Variants in FAM184A observed in about 807,000 individuals in gnomAD.
FAM184A encodes the protein family with sequence similarity 184 member A.
In FAM184A, 99 loss-of-function variants were observed where a neutral mutation model predicts 143.8. The observed-to-expected ratio is 0.69, with a 90% CI of 0.58 to 0.81. FAM184A has a LOEUF of 0.81. Among genes scored for constraint, FAM184A ranks in the 40% least tolerant of loss-of-function variants. The pLI is 0.00. For synonymous variants in FAM184A, 427 were observed against 446.4 expected (o/e 0.96, Z 0.55); for missense variants, 1,217 against 1,310.5 (o/e 0.93, Z 1.10).
At chr6:119,042,050 G>C (rs1404551802) in intron 1 of FAM184A, among the ~76,000 whole-genome samples, 2 of 152,110 alleles carry the variant, frequency 1.3e-5, no homozygotes, top group African/African-American at 4.8e-5. Flanking sequence ...ACAGGACCAA[G>C]GGTACCCGTT....
At chr6:118,993,993 A>C (rs1440071894) in intron 9 of FAM184A, among the ~76,000 whole-genome samples, 1 of 152,134 alleles carries the variant, frequency 6.6e-6, no homozygotes, top group Non-Finnish European at 1.5e-5. Flanking sequence ...CTCACTCTCC[A>C]GAATAAAGGT....
chr6:119,057,876 T>C, intron 1 of FAM184A: 1 of 149,036 alleles, frequency 6.7e-6, no homozygotes, highest in Non-Finnish European at 1.5e-5. Context: ...TAAAAGTTTG[T>C]GGTGGCTGCT....
chr6:119,115,350 C>G (rs1402156565), intron 1 of FAM184A, among the ~76,000 whole-genome samples: 1 of 152,106 alleles, frequency 6.6e-6, no homozygotes, highest in African/African-American at 2.4e-5. Flanking sequence ...TCTGATCACC[C>G]TGCAGAAGTA....
In FAM184A at chr6:118,979,271, A is replaced by T. The variant is rs1311941631; in HGVS notation, c.2455+94T>A. On this transcript the variant is annotated intron_variant, in intron 11 of 17. Coordinates refer to ENST00000338891, the MANE Select transcript of FAM184A (RefSeq NM_024581.6). ...TAGATATTCATTTTGACGTTTCAAA[A>T]TTTTAAAATAAAACTTGGTGATTTT... 4.7e-6 allele frequency: 6 copies of T among 1,286,762 alleles called. No individual in the cohort carries two copies. In the Admixed American group the frequency reaches 7.4e-5, roughly 16 times the overall value. The allele number at this position is 1,286,762 out of a possible 1,614,324, so 79.7% of individuals were successfully genotyped here. A position where few individuals can be genotyped will look rare whatever the true frequency, so the allele number is the denominator to read the frequency against.
At chr6:119,015,648 G>A (rs535413189) in intron 5 of FAM184A, among the ~76,000 whole-genome samples, 4 of 152,278 alleles carry the variant, frequency 2.6e-5, no homozygotes, top group African/African-American at 4.8e-5. Context: ...CTCCCCCGAC[G>A]AATGCTGCCC....
chr6:119,103,922 T>G (rs1788708202), intron 1 of FAM184A, among the ~76,000 whole-genome samples: 2 of 132,418 alleles, frequency 1.5e-5, no homozygotes, highest in Admixed American at 9.0e-5. Flanking sequence ...TGAGACTCCG[T>G]GTAGAGAAAA....
At chr6:118,992,511 C>G (rs1784410930) in intron 9 of FAM184A, among the ~76,000 whole-genome samples, 1 of 152,070 alleles carries the variant, frequency 6.6e-6, no homozygotes, top group Non-Finnish European at 1.5e-5. Context: ...TCCCTTGGTG[C>G]TTTTACCACG....
At chr6:119,144,194 T>C (rs1417263377) in intron 1 of FAM184A, among the ~76,000 whole-genome samples, 1 of 142,998 alleles carries the variant, frequency 7.0e-6, no homozygotes, top group Admixed American at 7.0e-5. Flanking sequence ...ATTAGCCGGG[T>C]GTGGTGGCGG....
intron 14 of FAM184A, among the ~76,000 whole-genome samples, chr6:118,970,008 A>ATATATTTTTTTTTTTTTT: frequency 3.1e-4 from 6 of 19,052 alleles, no homozygotes; most frequent in Non-Finnish European, 5.6e-4. Context: ...ATATATATAT[A>ATATATTTTTTTTTTTTTT]TTTTTTTTTT....
chr6:118,971,472 C>T (rs1038142913), intron 14 of FAM184A, among the ~76,000 whole-genome samples: 4 of 152,024 alleles, frequency 2.6e-5, no homozygotes, highest in East Asian at 1.9e-4. Context: ...TATTAAAAAT[C>T]GGCCATGACC....
chr6:119,068,642 G>C, intron 1 of FAM184A, among the ~76,000 whole-genome samples: 1 of 152,136 alleles, frequency 6.6e-6, no homozygotes, highest in East Asian at 1.9e-4. Flanking sequence ...GGGCACTGCT[G>C]CCTCACTGGG....
upstream of FAM184A, among the ~76,000 whole-genome samples, chr6:119,082,249 G>A (rs1788094466): frequency 6.6e-6 from 1 of 152,106 alleles, no homozygotes; most frequent in Admixed American, 6.5e-5. Flanking sequence ...TAACACATGG[G>A]GATTTCAATT....
At chr6:119,035,742 C>T (rs1224024679) in intron 1 of FAM184A, among the ~76,000 whole-genome samples, 4 of 152,166 alleles carry the variant, frequency 2.6e-5, no homozygotes, top group African/African-American at 9.6e-5. Flanking sequence ...ACGCTTTTAA[C>T]CAGCTGCCAA....
At chr6:119,106,323 G>A (rs1411451927) in intron 1 of FAM184A, among the ~76,000 whole-genome samples, 3 of 152,020 alleles carry the variant, frequency 2.0e-5, no homozygotes, top group Non-Finnish European at 4.4e-5. Context: ...ACCCAGGAAG[G>A]CGGAGCTTGC....
Position 119,089,998 on chromosome 6 carries a change from C to G in FAM184A, c.-202+59080G>C, listed in dbSNP as rs1201006660. Among the ~76,000 whole-genome samples the G allele has an allele frequency of 7.2e-5, 11 of 152,288 alleles. No individual in the cohort carries two copies. In the East Asian group the frequency reaches 2.1e-3, roughly 29 times the overall value. On this transcript the variant is annotated intron_variant, in intron 1 of 16. Transcript: ENST00000352896. Reference sequence around the variant, plus strand: ...CAATTTTTAGTTAACTTCATTTTCTCAACCAACACTATCATTAGCTTTTTC... The same window carrying G: ...CAATTTTTAGTTAACTTCATTTTCTGAACCAACACTATCATTAGCTTTTTC...
intron 1 of FAM184A, among the ~76,000 whole-genome samples, chr6:119,130,254 G>A (rs1347835570): frequency 6.6e-6 from 1 of 152,166 alleles, no homozygotes; most frequent in Non-Finnish European, 1.5e-5. Context: ...CTCCAGAAAT[G>A]AAATTTTAGG....
rs979850492 is a variant in FAM184A at position 119,018,836 on chromosome 6, G to A, written c.1332+1142C>T. Among the ~76,000 whole-genome samples the A allele has an allele frequency of 2.0e-5, 3 of 152,148 alleles. No homozygotes were observed. In the East Asian group the frequency reaches 5.8e-4, roughly 29 times the overall value. ...CCAACAGGACTCTGTAACAGATAAA[G>A]GGGCTGAGAAAACAGTAATCAAGAA... On this transcript the variant is annotated intron_variant, in intron 4 of 17. Coordinates refer to ENST00000338891, the MANE Select transcript of FAM184A (RefSeq NM_024581.6).
At chr6:118,974,067 G>T (rs575433867) in intron 14 of FAM184A, among the ~76,000 whole-genome samples, 2 of 152,116 alleles carry the variant, frequency 1.3e-5, no homozygotes, top group Non-Finnish European at 2.9e-5. Flanking sequence ...TACATTATTA[G>T]TGTGTATATA....
intron 1 of FAM184A, among the ~76,000 whole-genome samples, chr6:119,102,821 A>G (rs1191402093): frequency 4.0e-5 from 6 of 151,108 alleles, no homozygotes. Flanking sequence ...AAGAAAAAAG[A>G]AAAGAAAATA....
Sources: gnomAD v4.1 joint callset for allele counts (sites outside exome capture counted in the v4.1 genomes callset) on GRCh38, gnomAD v4.1.1 for gene constraint, MANE v1.5 for transcripts, NCBI Gene and HGNC (gene_info 2026-07-23, HGNC 2026-07-21) for gene names.